The following CLDN10 variants were observed in gnomAD, a reference collection of about 807,000 sequenced individuals.
CLDN10 encodes the protein claudin-10.
A neutral mutation model predicts 22.9 loss-of-function variants in CLDN10; 15 were observed. That is an observed-to-expected ratio of 0.65 (90% CI 0.44 to 1.01). The LOEUF (loss-of-function observed/expected upper bound fraction) is 1.01, where lower values mean the gene tolerates loss of function less well. Among genes scored for constraint, CLDN10 ranks in the 50% least tolerant of loss-of-function variants. The pLI, the probability that CLDN10 is intolerant of heterozygous loss-of-function variation, is 0.00. For synonymous variants in CLDN10, 114 were observed against 111.4 expected (o/e 1.02, Z -0.15); for missense variants, 247 against 287.8 (o/e 0.86, Z 1.03).
intron 1 of CLDN10, among the ~76,000 whole-genome samples, chr13:95,542,306 T>A (rs1021981823): frequency 6.6e-6 from 1 of 152,140 alleles, no homozygotes; most frequent in Non-Finnish European, 1.5e-5. Context: ...CCAAACCTTA[T>A]CAGCAACCAC....
chr13:95,517,662 G>A (rs1001232408), intron 1 of CLDN10, among the ~76,000 whole-genome samples: 1 of 152,142 alleles, frequency 6.6e-6, no homozygotes, highest in Admixed American at 6.5e-5. Flanking sequence ...GAGGTCGGGC[G>A]CGGTGGCTCA....
In CLDN10 at chr13:95,458,855, A is replaced by C. The variant is rs868239768; in HGVS notation, c.214+24808A>C. On this transcript the variant is annotated intron_variant, in intron 1 of 4. Coordinates refer to the CLDN10 transcript ENST00000376873. ...TATTAACCCAAAAGTCCAAATCCAAAGTCTCATCTGAAACAAGTCAAGTAC... is the reference window on the plus strand; with the variant it reads ...TATTAACCCAAAAGTCCAAATCCAACGTCTCATCTGAAACAAGTCAAGTAC... Among the ~76,000 whole-genome samples the C allele has an allele frequency of 2.0e-5, 3 of 152,306 alleles. No individual in the cohort carries two copies. In the South Asian group the frequency reaches 6.2e-4, roughly 32 times the overall value.
upstream of CLDN10, chr13:95,552,657 CGGAGGCGGAGGCG>C: frequency 5.1e-6 from 7 of 1,371,468 alleles, no homozygotes; most frequent in Non-Finnish European, 6.6e-6. Flanking sequence ...GGACGGTGGG[CGGAGGCGGAGGCG>C]GGAGGCGGAG....
At chr13:95,463,866 T>A (rs1407120563) in intron 1 of CLDN10, among the ~76,000 whole-genome samples, 1 of 152,132 alleles carries the variant, frequency 6.6e-6, no homozygotes, top group Non-Finnish European at 1.5e-5. Flanking sequence ...CTATCATTTC[T>A]TTGTGCCATT....
chr13:95,504,120 C>T (rs779436792), intron 1 of CLDN10, among the ~76,000 whole-genome samples: 28 of 152,036 alleles, frequency 1.8e-4, no homozygotes, highest in African/African-American at 2.7e-4. Context: ...TAGAGATTGT[C>T]GATAAAGCCA....
At chr13:95,553,655 G>A (rs187341380) in intron 1 of CLDN10, among the ~76,000 whole-genome samples, 219 of 152,352 alleles carry the variant, frequency 1.4e-3, no homozygotes, top group Non-Finnish European at 2.6e-3. Flanking sequence ...CAGAGGGTAG[G>A]GAATCTTGGG....
chr13:95,550,683 G>A (rs116772254), upstream of CLDN10, among the ~76,000 whole-genome samples: 429 of 152,084 alleles, frequency 2.8e-3, 2 homozygotes, highest in African/African-American at 9.9e-3. Flanking sequence ...GAAATATGCT[G>A]GAGGGCAAAA....
At chr13:95,557,885 C>T (rs2043658089) in intron 1 of CLDN10, among the ~76,000 whole-genome samples, 1 of 152,158 alleles carries the variant, frequency 6.6e-6, no homozygotes, top group East Asian at 1.9e-4. Context: ...TGGGATTCTA[C>T]CCACTGTTTA....
chr13:95,448,296 C>G (rs985083492), intron 1 of CLDN10, among the ~76,000 whole-genome samples: 1 of 152,036 alleles, frequency 6.6e-6, no homozygotes, highest in African/African-American at 2.4e-5. Flanking sequence ...ACATAGCCAG[C>G]CATTTGCCAT....
upstream of CLDN10, among the ~76,000 whole-genome samples, chr13:95,549,484 T>C (rs2043542771): frequency 6.6e-6 from 1 of 152,196 alleles, no homozygotes; most frequent in Non-Finnish European, 1.5e-5. Flanking sequence ...CTGGACATTC[T>C]TTTTTTAGAT....
chr13:95,474,750 G>A (rs2042668594), intron 1 of CLDN10, among the ~76,000 whole-genome samples: 2 of 152,192 alleles, frequency 1.3e-5, no homozygotes, highest in South Asian at 4.1e-4. Context: ...GGCAAGTAGA[G>A]ATTGATAAGT....
intron 1 of CLDN10, among the ~76,000 whole-genome samples, chr13:95,517,897 G>A (rs1015372929): frequency 7.5e-6 from 1 of 133,516 alleles, no homozygotes; most frequent in African/African-American, 2.8e-5. Flanking sequence ...TCGCGCCATT[G>A]CACTCCAGCT....
upstream of CLDN10, chr13:95,552,697 G>T: frequency 6.5e-7 from 1 of 1,536,060 alleles, no homozygotes; most frequent in South Asian, 1.2e-5. Flanking sequence ...GGTTGGGAGT[G>T]CGGGGGTCGC....
chr13:95,465,596 T>C (rs914170283), intron 1 of CLDN10, among the ~76,000 whole-genome samples: 1 of 152,212 alleles, frequency 6.6e-6, no homozygotes, highest in African/African-American at 2.4e-5. Context: ...TGAATAACCA[T>C]GCCAGCGGCA....
chr13:95,488,950 C>CTTTTTTTTTTT (rs58919737), intron 1 of CLDN10, among the ~76,000 whole-genome samples: 19 of 110,728 alleles, frequency 1.7e-4, no homozygotes, highest in South Asian at 3.0e-4. Context: ...ACTTTTTGTT[C>CTTTTTTTTTTT]TTTTTTTTTT....
At chr13:95,557,296 G>A (rs1249933006) in intron 1 of CLDN10, among the ~76,000 whole-genome samples, 1 of 152,154 alleles carries the variant, frequency 6.6e-6, no homozygotes, top group Non-Finnish European at 1.5e-5. Context: ...TCTCCTGGTG[G>A]TGTTACTTGT....
chr13:95,480,359 C>A (rs748179983), intron 1 of CLDN10, among the ~76,000 whole-genome samples: 6 of 152,204 alleles, frequency 3.9e-5, no homozygotes, highest in Admixed American at 2.0e-4. Context: ...TCTCTGAAGG[C>A]CCTGTATTAG....
chr13:95,435,759 T>C (rs1332286170), intron 1 of CLDN10, among the ~76,000 whole-genome samples: 2 of 152,152 alleles, frequency 1.3e-5, no homozygotes, highest in Non-Finnish European at 2.9e-5. Flanking sequence ...AGGAATCAGG[T>C]AGAAGAGATG....
At chr13:95,569,720 C>T (rs72651928) in intron 3 of CLDN10, among the ~76,000 whole-genome samples, 39,978 of 152,080 alleles carry the variant, frequency 0.26, 6,284 homozygotes, top group Non-Finnish European at 0.35. Context: ...ACTCTTGGTT[C>T]AATTCTAAAA....
Sources: gnomAD v4.1 joint callset for allele counts (sites outside exome capture counted in the v4.1 genomes callset) on GRCh38, gnomAD v4.1.1 for gene constraint, MANE v1.5 for transcripts, NCBI Gene and HGNC (gene_info 2026-07-23, HGNC 2026-07-21) for gene names.